CLEC1B: variants seen among roughly 807,000 people sequenced by gnomAD.
The protein encoded by CLEC1B is C-type lectin-like receptor 2.
A neutral mutation model predicts 26.7 loss-of-function variants in CLEC1B; 26 were observed. The observed-to-expected ratio is 0.97, with a 90% confidence interval of 0.71 to 1.35. CLEC1B has a LOEUF of 1.35. Among genes scored for constraint, CLEC1B ranks in the 40% most tolerant of loss-of-function variants. The probability of loss-of-function intolerance (pLI) is 0.00; values close to 1 mark genes in which losing one functional copy is unlikely to be tolerated. For synonymous variants in CLEC1B, 112 were observed against 96.0 expected, an observed-to-expected ratio of 1.17 and a Z score of -0.97; for missense variants, 293 against 282.6, an observed-to-expected ratio of 1.04 and a Z score of -0.26.
At chr12:9,995,020 G>A (rs1422370375) in intron 5 of CLEC1B, 120 bp downstream of exon 5, 1 of 1,575,376 alleles carries the variant, frequency 6.3e-7, no homozygotes, top group Non-Finnish European at 8.6e-7. Context: ...TGAATTAGCA[G>A]GTAAGTGACC....
chr12:9,996,854 T>G lies in CLEC1B; in HGVS notation c.430A>C (p.Asn144His). 1.2e-6 allele frequency: 2 copies of G among 1,614,054 alleles called. No homozygotes were observed. The highest frequency in any genetic ancestry group is 2.2e-5 in the South Asian group (2 of 91,084). ...CATAAGAATCTTCTTACCACAATGT[T>G]CCGGTTGTCAATCTTCAGGAGAGTA... is the stretch of plus-strand genomic sequence containing the variant. The part of the protein sequence containing the change: ...NATLLKIDNR[N>H]IVEYIKARTH... The change falls in exon 4 of 6, where the codon AAC (asparagine) becomes CAC (histidine). Residue 144 changes from asparagine (N) to histidine (H), a missense_variant. Physicochemically the swap from Asn to His is moderately conservative, Grantham distance 68. Coordinates refer to ENST00000298527, the MANE Select transcript of CLEC1B (RefSeq NM_016509.4).
chr12:9,995,826 T>TA (rs1238394203), intron 4 of CLEC1B: 1 of 163,418 alleles, frequency 6.1e-6, no homozygotes, highest in Non-Finnish European at 1.3e-5. Context: ...CTAAACTATA[T>TA]ACTATATCAT....
chr12:9,998,212 T>A, intron 2 of CLEC1B, 70 bp downstream of exon 2: 1 of 1,142,670 alleles, frequency 8.8e-7, no homozygotes, highest in Non-Finnish European at 1.3e-6. Context: ...TTGAGAAGCT[T>A]AGTGGGATAT....
At chr12:9,995,063 T>C (rs1368118760) in intron 5 of CLEC1B, 77 bp downstream of exon 5, 1 of 1,597,340 alleles carries the variant, frequency 6.3e-7, no homozygotes, top group Non-Finnish European at 8.5e-7. Flanking sequence ...TAGTAGTGAC[T>C]TGGACTGAGA....
intron 4 of CLEC1B, chr12:9,995,563 G>C: frequency 5.6e-6 from 2 of 354,356 alleles, no homozygotes; most frequent in East Asian, 1.5e-4. Flanking sequence ...TGATTCAAAG[G>C]AATAAATGTA....
chr12:10,001,080 T>C (rs1388283690), upstream of CLEC1B, among the ~76,000 whole-genome samples: 1 of 152,224 alleles, frequency 6.6e-6, no homozygotes, highest in Non-Finnish European at 1.5e-5. Flanking sequence ...ATCAGATATG[T>C]AAAGGTAAGA....
At chr12:10,001,141 T>C (rs1865154174), upstream of CLEC1B, among the ~76,000 whole-genome samples, 1 of 152,242 alleles carries the variant, frequency 6.6e-6, no homozygotes, top group Non-Finnish European at 1.5e-5. Flanking sequence ...TTTTTGTTTA[T>C]TAACAAAAAC....
At chr12:10,001,618 T>G (rs1253168725), upstream of CLEC1B, among the ~76,000 whole-genome samples, 3 of 152,146 alleles carry the variant, frequency 2.0e-5, no homozygotes, top group East Asian at 5.8e-4. Context: ...GAGTTCTAAT[T>G]TTGCTCCCTC....
rs751313864 is a variant in CLEC1B at position 9,998,290 on chromosome 12, C to G, written c.155G>C (p.Gly52Ala). ...VGMVVGLVAL[G>A]IWSVMQRNYL... ...GCAGAGTCAACACTTACACCAAATC[C>G]CCAGAGCCACCAGCCCGACAACCAT... The change falls in exon 2 of 6, where the codon GGG becomes GCG. Residue 52 changes from glycine to alanine, a missense_variant. Gly to Ala is a moderately conservative substitution (Grantham distance 60). Coordinates refer to ENST00000298527, the MANE Select transcript of CLEC1B (RefSeq NM_016509.4). 2 of 1,613,676 alleles carry G rather than the reference C, an allele frequency of 1.2e-6. No individual in the cohort carries two copies. The highest frequency in any genetic ancestry group is 1.7e-5 in the Admixed American group (1 of 59,994).
chr12:9,993,126 C>G lies in CLEC1B; in HGVS notation c.*17G>C, dbSNP rs368407925. ...CAATAAAGCCCTTATCTGTGTTATC[C>G]TGTCCACCTCTTTGCATTAAGGTAG... On this transcript the variant is annotated 3_prime_UTR_variant, in exon 6 of 6. Transcript: ENST00000298527. 6.2e-5 allele frequency: 99 copies of G among 1,602,406 alleles called. No homozygotes were observed. Among genetic ancestry groups the G allele is most frequent in the Middle Eastern group, 4.4e-4 (2 of 4,562 alleles).
At chr12:10,000,114 T>C (rs573951895), upstream of CLEC1B, among the ~76,000 whole-genome samples, 1 of 152,348 alleles carries the variant, frequency 6.6e-6, no homozygotes, top group African/African-American at 2.4e-5. Flanking sequence ...CAGATTTTTA[T>C]TTTTGTTAAA....
At chr12:9,995,309 A>G (rs1173433442) in intron 4 of CLEC1B, 63 bp from the exon 5 acceptor site, 1 of 1,380,358 alleles carries the variant, frequency 7.2e-7, no homozygotes, top group South Asian at 1.2e-5. Context: ...TATGATAGAC[A>G]AAGCTTCATG....
chr12:9,997,766 TACAC>T (rs1367614113), intron 2 of CLEC1B, among the ~76,000 whole-genome samples: 1 of 151,982 alleles, frequency 6.6e-6, no homozygotes, highest in Non-Finnish European at 1.5e-5. Context: ...AATCAACAAA[TACAC>T]AAACAAGCAA....
Position 9,993,110 on chromosome 12 carries a change from C to T in CLEC1B, c.*33G>A. On this transcript the variant is annotated 3_prime_UTR_variant, in exon 6 of 6. Coordinates refer to ENST00000298527, the MANE Select transcript of CLEC1B (RefSeq NM_016509.4). ...CATATCTTTTATTGTACAATAAAGC[C>T]CTTATCTGTGTTATCCTGTCCACCT... The T allele has an allele frequency of 6.3e-7, 1 of 1,585,064 alleles. No homozygotes were observed. Among genetic ancestry groups the T allele is most frequent in the Non-Finnish European group, 8.6e-7 (1 of 1,159,066 alleles).
upstream of CLEC1B, among the ~76,000 whole-genome samples, chr12:10,000,300 C>T (rs1865143462): frequency 6.6e-6 from 1 of 152,026 alleles, no homozygotes; most frequent in Non-Finnish European, 1.5e-5. Context: ...ATTTTTTCTC[C>T]CCTGCTATCT....
rs1306770301 is a variant in CLEC1B, at chr12:9,993,160, C to T, written c.673G>A (p.Val225Met). 1.2e-6 allele frequency: 2 copies of T among 1,611,048 alleles called. No individual in the cohort carries two copies. The highest frequency in any genetic ancestry group is 1.7e-5 in the Admixed American group (1 of 59,946). The change falls in exon 6 of 6, where the codon GTG becomes ATG. Residue 225 changes from valine (V) to methionine (M), a missense_variant. By Grantham distance (21) the Val-to-Met change is conservative. Transcript: ENST00000298527. Reference sequence around the variant, plus strand: ...TCTTTGCATTAAGGTAGTTGGTCCACCTTGGTCATGCCAGCCTTCCTCTCA... The same window carrying T: ...TCTTTGCATTAAGGTAGTTGGTCCATCTTGGTCATGCCAGCCTTCCTCTCA... Reference protein sequence around the residue: ...MCERKAGMTKVDQLP With the variant: ...MCERKAGMTKMDQLP
rs543736691 is a variant in CLEC1B at position 9,995,762 on chromosome 12, G to A, written c.439-516C>T. 28 of 192,960 alleles carry A rather than the reference G, an allele frequency of 1.5e-4. No individual in the cohort carries two copies. In the East Asian group the frequency reaches 3.2e-3, roughly 22 times the overall value. The allele number at this position is 192,960 out of a possible 1,614,324, so 12.0% of individuals were successfully genotyped here. The stretch of plus-strand genomic sequence containing the variant: ...TTTCTCAAAAGGATTTATAAATAAC[G>A]TACATCTACCTTTCCCTATTTACTT... On this transcript the variant is annotated intron_variant, in intron 4 of 5. Transcript: ENST00000298527.
rs545436774 is a variant in CLEC1B, at chr12:9,996,943, T to C, written c.341A>G (p.Tyr114Cys). Residue 114 changes from tyrosine to cysteine, a missense_variant, in exon 4 of 6, where the codon TAT (tyrosine) becomes TGT (cysteine). Coordinates refer to ENST00000298527, the MANE Select transcript of CLEC1B (RefSeq NM_016509.4). ...TGTTAAGTTGTGCCTGAAGAACCCA[T>C]AGCAGCTATCTCCATAATATCTCCA... ...TNWRYYGDSC[Y>C]GFFRHNLTWE... is the part of the protein sequence containing the mutation. The C allele has an allele frequency of 6.2e-6, 10 of 1,614,102 alleles. No individual in the cohort carries two copies. The highest frequency in any genetic ancestry group is 4.4e-5 in the South Asian group (4 of 91,082).
upstream of CLEC1B, among the ~76,000 whole-genome samples, chr12:9,999,926 C>CA (rs1265449963): frequency 1.3e-5 from 2 of 152,148 alleles, no homozygotes; most frequent in Non-Finnish European, 2.9e-5. Context: ...CTTTTCATCA[C>CA]AATATAATAT....
Sources: gnomAD v4.1 joint callset for allele counts (sites outside exome capture counted in the v4.1 genomes callset) on GRCh38, gnomAD v4.1.1 for gene constraint, MANE v1.5 for transcripts, NCBI Gene and HGNC (gene_info 2026-07-23, HGNC 2026-07-21) for gene names.